Variants in PHC2 observed in about 807,000 individuals in gnomAD.
PHC2 encodes polyhomeotic homolog 2, also known as polyhomeotic-like protein 2.
In PHC2, 29 loss-of-function variants were observed where a neutral mutation model predicts 87.4. That is an observed-to-expected ratio of 0.33 (90% CI 0.25 to 0.45). The LOEUF is 0.45. Ranked by LOEUF, PHC2 falls within the 20% of genes least tolerant of loss-of-function variation. The pLI is 1.00. For missense variants in PHC2, 857 were observed against 1,136.7 expected (o/e 0.75, Z 3.54); for synonymous variants, 438 against 461.7 (o/e 0.95, Z 0.66).
chr1:33,363,878 C>T (rs968017660), intron 7 of PHC2: 13 of 985,272 alleles, frequency 1.3e-5, no homozygotes, highest in Non-Finnish European at 1.3e-5. Context: ...CCCCTGCTGC[C>T]TGCCTCTCTT....
At chr1:33,394,077 A>G (rs1019135662) in intron 1 of PHC2, among the ~76,000 whole-genome samples, 3 of 152,220 alleles carry the variant, frequency 2.0e-5, no homozygotes, top group Admixed American at 6.5e-5. Context: ...CCTGTCCTAT[A>G]ATAAATTTCA....
chr1:33,344,892 C>G (rs1243343152), intron 9 of PHC2, among the ~76,000 whole-genome samples: 1 of 151,952 alleles, frequency 6.6e-6, no homozygotes, highest in Non-Finnish European at 1.5e-5. Flanking sequence ...CGTGCCTGGT[C>G]CCAATTTTTT....
At chr1:33,392,891 T>G (rs1375548363) in intron 1 of PHC2, 6 of 152,220 alleles carry the variant, frequency 3.9e-5, no homozygotes. Context: ...GCCTGCAGTA[T>G]TTCATGCAAA....
intron 9 of PHC2, among the ~76,000 whole-genome samples, chr1:33,339,372 TGA>T (rs1426577618): frequency 6.6e-6 from 1 of 152,182 alleles, no homozygotes; most frequent in Non-Finnish European, 1.5e-5. Flanking sequence ...TATGATGTTT[TGA>T]GAGCAGCTAG....
At chr1:33,391,987 C>T (rs994526737) in intron 1 of PHC2, among the ~76,000 whole-genome samples, 2 of 152,108 alleles carry the variant, frequency 1.3e-5, no homozygotes, top group African/African-American at 2.4e-5. Context: ...AGGTTAGAGG[C>T]GAGAAAGCCA....
intron 7 of PHC2, among the ~76,000 whole-genome samples, chr1:33,362,615 C>T (rs921442423): frequency 6.6e-6 from 1 of 152,170 alleles, no homozygotes; most frequent in African/African-American, 2.4e-5. Flanking sequence ...TTTTAGGAGA[C>T]CCACAGCTAA....
At chr1:33,373,923 A>G (rs1392036652) in intron 2 of PHC2, among the ~76,000 whole-genome samples, 1 of 152,070 alleles carries the variant, frequency 6.6e-6, no homozygotes, top group Non-Finnish European at 1.5e-5. Flanking sequence ...GGGTTCTGTA[A>G]AAACAGCCTG....
At position 33,332,114 on chromosome 1, in the gene PHC2, A is replaced by C. The variant is rs975990652; in HGVS notation, c.1891+161T>G. Among the ~76,000 whole-genome samples, 10 of 152,180 alleles carry C rather than the reference A, an allele frequency of 6.6e-5. No homozygotes were observed. Among genetic ancestry groups the C allele is most frequent in the Non-Finnish European group, 1.5e-4 (10 of 68,022 alleles). On this transcript the variant is annotated intron_variant, in intron 11 of 14. Coordinates refer to ENST00000683057, the MANE Select transcript of PHC2 (RefSeq NM_001385109.1). This position sits in a 1 kb window ranked among gnomAD's most constrained non-coding sequence, Gnocchi z 4.2. ...ACACATGGTTCCCGTGATTTCCCCT[A>C]TCCCTCTTTTTGAGGGAAGGAGGCT...
chr1:33,395,275 T>C (rs1394942191), intron 1 of PHC2, among the ~76,000 whole-genome samples: 1 of 151,816 alleles, frequency 6.6e-6, no homozygotes, highest in Admixed American at 6.6e-5. Flanking sequence ...ATCAGAGCAG[T>C]GGTTGCCTCT....
intron 1 of PHC2, among the ~76,000 whole-genome samples, chr1:33,379,301 GC>G (rs1184790472): frequency 2.2e-4 from 3 of 13,902 alleles, no homozygotes; most frequent in African/African-American, 8.5e-4. Context: ...CCGCCCCCCT[GC>G]CCCCCCACCC....
intron 9 of PHC2, among the ~76,000 whole-genome samples, chr1:33,338,930 C>A (rs1036916609): frequency 6.6e-6 from 1 of 152,114 alleles, no homozygotes; most frequent in Non-Finnish European, 1.5e-5. Context: ...CACAAAGGGC[C>A]AAGTATTCCG....
At chr1:33,416,876 G>A (rs115147831) in intron 1 of PHC2, among the ~76,000 whole-genome samples, 1,861 of 152,056 alleles carry the variant, frequency 0.012, 40 homozygotes, top group African/African-American at 0.043. Context: ...AAATAGGTGA[G>A]TAAATATAAA....
Position 33,356,251 on chromosome 1 carries a change from A to ATATATATATATATATATATATG in PHC2, c.977-999_977-998insCATATATATATATATATATATA, listed in dbSNP as rs1212026040. Among the ~76,000 whole-genome samples the ATATATATATATATATATATATG allele has an allele frequency of 1.3e-3, 50 of 39,788 alleles. 1 individual carries two copies. Among genetic ancestry groups the ATATATATATATATATATATATG allele is most frequent in the Middle Eastern group, 0.017 (1 of 60 alleles). The allele number at this position is 39,788 out of a possible 152,430, so 26.1% of individuals were successfully genotyped here. A position where few individuals can be genotyped will look rare whatever the true frequency, so the allele number is the denominator to read the frequency against. The stretch of plus-strand genomic sequence containing the variant: ...CTGACTCTTTGAGGTGAAAATTCTT[A>ATATATATATATATATATATATG]TATATATATATATATATATATATAT... On this transcript the variant is annotated intron_variant, in intron 7 of 14. Transcript: ENST00000683057.
chr1:33,421,623 A>C (rs530456117), intron 1 of PHC2, among the ~76,000 whole-genome samples: 123 of 152,304 alleles, frequency 8.1e-4, no homozygotes, highest in South Asian at 1.7e-3. Flanking sequence ...AGAAGCTGAA[A>C]ACTCAAGAAC....
chr1:33,326,910 T>C (rs879300432), intron 14 of PHC2, among the ~76,000 whole-genome samples: 20 of 152,128 alleles, frequency 1.3e-4, no homozygotes, highest in Admixed American at 1.3e-3. Context: ...GATCACGCCA[T>C]TGCACAATAG....
intron 1 of PHC2, among the ~76,000 whole-genome samples, chr1:33,383,101 T>C (rs530279972): frequency 6.6e-6 from 1 of 152,300 alleles, no homozygotes; most frequent in Admixed American, 6.5e-5. Context: ...TGGATGCCCC[T>C]CCGCCAGAGG....
At chr1:33,345,140 T>C (rs939615606) in intron 9 of PHC2, 1 of 152,174 alleles carries the variant, frequency 6.6e-6, no homozygotes. Context: ...TTGCCAACAG[T>C]TCCAATATTC....
rs1189801248 is a variant in PHC2 at position 33,354,449 on chromosome 1, C to T, written c.1510G>A (p.Gly504Ser). 1.2e-6 allele frequency: 2 copies of T among 1,614,074 alleles called. No homozygotes were observed. Among genetic ancestry groups the T allele is most frequent in the Non-Finnish European group, 1.7e-6 (2 of 1,180,018 alleles). The change falls in exon 9 of 15, where the codon GGC becomes AGC. Residue 504 changes from glycine to serine, a missense_variant. Physicochemically the swap from Gly to Ser is moderately conservative, Grantham distance 56 (BLOSUM62 0). This residue lies in a region of PHC2 where 832 missense variants were observed against 1,081.8 expected (regional missense o/e 0.77). Coordinates refer to ENST00000683057, the MANE Select transcript of PHC2 (RefSeq NM_001385109.1). ...TTAGGGCTCGTGGGTACAGGCAGGCCACCAGGCATGGCAGTGACAATAGCC... is the reference window on the plus strand; with the variant it reads ...TTAGGGCTCGTGGGTACAGGCAGGCTACCAGGCATGGCAGTGACAATAGCC... ...QQAIVTAMPG[G>S]LPVPTSPNIQ...
chr1:33,414,164 TTC>T (rs146936204), intron 1 of PHC2, among the ~76,000 whole-genome samples: 14,645 of 142,876 alleles, frequency 0.1, 1,007 homozygotes, highest in East Asian at 0.29. Flanking sequence ...TACATATGTA[TTC>T]TCTCTCTCTG....
Sources: gnomAD v4.1 joint callset for allele counts (sites outside exome capture counted in the v4.1 genomes callset) on GRCh38, gnomAD v4.1.1 for gene constraint, gnomAD v4.1.1 regional missense constraint, Gnocchi (gnomAD v3.1) non-coding constraint, MANE v1.5 for transcripts, NCBI Gene and HGNC (gene_info 2026-07-23, HGNC 2026-07-21) for gene names.